NRXN3: variants seen among roughly 807,000 people sequenced by gnomAD.
NRXN3 encodes neurexin III.
In NRXN3, 32 loss-of-function variants were observed where a neutral mutation model predicts 137.6. The observed-to-expected ratio is 0.23, with a 90% CI of 0.18 to 0.31. The LOEUF is 0.31. NRXN3 is among the 10% of genes least tolerant of loss of function. NRXN3 has a pLI of 1.00. For synonymous variants in NRXN3, 798 were observed against 784.5 expected (o/e 1.02, Z -0.29); for missense variants, 1,574 against 2,062.5 (o/e 0.76, Z 4.59).
intron 4 of NRXN3, among the ~76,000 whole-genome samples, chr14:78,417,820 G>A (rs752662981): frequency 6.6e-6 from 1 of 152,128 alleles, no homozygotes; most frequent in Non-Finnish European, 1.5e-5. Flanking sequence ...GCAATGGCAC[G>A]ATCTGGTCTC....
At chr14:79,551,862 G>C (rs2097375669) in intron 16 of NRXN3, among the ~76,000 whole-genome samples, 2 of 152,140 alleles carry the variant, frequency 1.3e-5, no homozygotes, top group African/African-American at 4.8e-5. Flanking sequence ...GATCATTGTT[G>C]GCATTTGATG....
chr14:78,625,659 T>C (rs569027769), intron 4 of NRXN3, among the ~76,000 whole-genome samples: 159 of 152,314 alleles, frequency 1.0e-3, no homozygotes, highest in Non-Finnish European at 1.6e-3. Context: ...ACACAGGTTA[T>C]ATCCTCCATC....
At chr14:78,886,566 A>G (rs1238323234) in intron 10 of NRXN3, among the ~76,000 whole-genome samples, 1 of 152,062 alleles carries the variant, frequency 6.6e-6, no homozygotes, top group East Asian at 1.9e-4. Flanking sequence ...ATGATAAGTG[A>G]TTGAAGAATC....
chr14:79,027,582 G>T (rs1038220042), intron 15 of NRXN3, among the ~76,000 whole-genome samples: 3 of 152,048 alleles, frequency 2.0e-5, no homozygotes, highest in Non-Finnish European at 4.4e-5. Flanking sequence ...CCTGAAATAT[G>T]ACCATAACAT....
At chr14:79,434,340 T>TAA (rs200221338) in intron 15 of NRXN3, among the ~76,000 whole-genome samples, 2 of 149,572 alleles carry the variant, frequency 1.3e-5, no homozygotes, top group Non-Finnish European at 3.0e-5. Context: ...GACCAATTCT[T>TAA]AAAAAAAAAA....
chr14:79,770,904 A>G (rs1373969284), intron 19 of NRXN3, among the ~76,000 whole-genome samples: 2 of 152,190 alleles, frequency 1.3e-5, no homozygotes, highest in African/African-American at 4.8e-5. Context: ...AAAAAGAGAG[A>G]AGAATCAAAT....
intron 15 of NRXN3, among the ~76,000 whole-genome samples, chr14:79,318,606 A>C (rs2089384618): frequency 6.6e-6 from 1 of 152,222 alleles, no homozygotes; most frequent in Non-Finnish European, 1.5e-5. Flanking sequence ...TCAGTCAGAC[A>C]GGAAGTGTTG....
At chr14:78,188,637 G>T (rs1053136234) in intron 1 of NRXN3, among the ~76,000 whole-genome samples, 1 of 152,164 alleles carries the variant, frequency 6.6e-6, no homozygotes, top group South Asian at 2.1e-4. Flanking sequence ...TGGCAGTGTG[G>T]TTATTATAAT....
intron 2 of NRXN3, among the ~76,000 whole-genome samples, chr14:78,277,247 T>C (rs1474110110): frequency 6.6e-6 from 1 of 152,148 alleles, no homozygotes; most frequent in Non-Finnish European, 1.5e-5. Flanking sequence ...TCGGTTGGCA[T>C]GAAGAACATT....
intron 16 of NRXN3, among the ~76,000 whole-genome samples, chr14:79,641,680 C>T (rs1207603349): frequency 2.2e-5 from 3 of 134,924 alleles, no homozygotes; most frequent in African/African-American, 7.4e-5. Context: ...CTATCCAGGG[C>T]TTAGTCTTTC....
chr14:78,664,037 A>G (rs1352003901), intron 6 of NRXN3, among the ~76,000 whole-genome samples: 6 of 152,180 alleles, frequency 3.9e-5, no homozygotes, highest in African/African-American at 1.4e-4. Context: ...TAGTTCCTGC[A>G]TAGATTTCAA....
chr14:79,846,851 A>G (rs2099376292), intron 20 of NRXN3, among the ~76,000 whole-genome samples: 1 of 152,202 alleles, frequency 6.6e-6, no homozygotes, highest in Non-Finnish European at 1.5e-5. Flanking sequence ...TGTTTATTGA[A>G]TGAATTAATG....
intron 4 of NRXN3, among the ~76,000 whole-genome samples, chr14:78,492,353 C>T (rs1410046198): frequency 6.6e-6 from 1 of 152,068 alleles, no homozygotes; most frequent in African/African-American, 2.4e-5. Flanking sequence ...CGTCAATTAA[C>T]ATTATTTCAT....
intron 16 of NRXN3, among the ~76,000 whole-genome samples, chr14:79,518,150 C>G (rs2097016818): frequency 6.6e-6 from 1 of 151,990 alleles, no homozygotes; most frequent in Non-Finnish European, 1.5e-5. Flanking sequence ...TGTGATCCAC[C>G]CGCTTCAGCC....
chr14:79,435,593 T>TAC (rs35554281), intron 15 of NRXN3, among the ~76,000 whole-genome samples: 30,042 of 143,686 alleles, frequency 0.21, 3,443 homozygotes, highest in East Asian at 0.31. Context: ...AACACTAAGA[T>TAC]ACACACACAC....
chr14:78,931,799 G>GTT (rs1301811954), intron 10 of NRXN3, among the ~76,000 whole-genome samples: 4 of 152,106 alleles, frequency 2.6e-5, no homozygotes, highest in Non-Finnish European at 5.9e-5. Context: ...ATTGTCTTAG[G>GTT]AACACTGAAG....
chr14:79,461,292 C>T (rs908715866), intron 15 of NRXN3, among the ~76,000 whole-genome samples: 3 of 152,180 alleles, frequency 2.0e-5, no homozygotes, highest in African/African-American at 7.2e-5. Flanking sequence ...TGTTTAATCT[C>T]CTTGAGCATC....
chr14:79,226,708 A>T (rs971401104), intron 15 of NRXN3, among the ~76,000 whole-genome samples: 1 of 151,702 alleles, frequency 6.6e-6, no homozygotes, highest in African/African-American at 2.4e-5. Context: ...TTTCAGCTCC[A>T]TTTAATGACT....
chr14:78,589,528 C>T (rs1473566449), intron 4 of NRXN3, among the ~76,000 whole-genome samples: 1 of 152,256 alleles, frequency 6.6e-6, no homozygotes, highest in African/African-American at 2.4e-5. Context: ...CTTTAGTCTT[C>T]ATGACCCCTC....
Sources: allele counts gnomAD v4.1 joint callset (sites outside exome capture counted in the v4.1 genomes callset), GRCh38; gene constraint gnomAD v4.1.1; transcripts MANE v1.5; gene names NCBI Gene and HGNC (gene_info 2026-07-23, HGNC 2026-07-21).